CHST7: variants seen among roughly 807,000 people sequenced by gnomAD.
The protein encoded by CHST7 is carbohydrate sulfotransferase 7.
Under a neutral mutation model 9.0 loss-of-function variants are expected in CHST7, and 5 were observed. The observed-to-expected ratio is 0.56, with a 90% CI of 0.29 to 1.17. The LOEUF is 1.17. Ranked by LOEUF, CHST7 falls within the 50% of genes most tolerant of loss-of-function variation. The pLI, the probability that CHST7 is intolerant of heterozygous loss-of-function variation, is 0.08. For synonymous variants in CHST7, 244 were observed against 237.1 expected (o/e 1.03, Z -0.27); for missense variants, 377 against 485.1 (o/e 0.78, Z 2.09).
intron 1 of CHST7, among the ~76,000 whole-genome samples, chrX:46,585,815 G>A (rs892111809): frequency 7.2e-5 from 8 of 111,715 alleles, no homozygotes; most frequent in Admixed American, 3.8e-4. Flanking sequence ...ACGCGATATC[G>A]GCTCAATGCA....
intron 1 of CHST7, among the ~76,000 whole-genome samples, chrX:46,594,428 A>C (rs1330715890): frequency 2.7e-5 from 3 of 110,070 alleles, no homozygotes; most frequent in African/African-American, 9.9e-5. Flanking sequence ...TTGGAAGACC[A>C]AGGAATGAGA....
chrX:46,595,199 C>G (rs775180001), intron 1 of CHST7, among the ~76,000 whole-genome samples: 3 of 112,622 alleles, frequency 2.7e-5, no homozygotes, highest in Non-Finnish European at 5.6e-5. Context: ...CACTTAAAAT[C>G]TGTTTCAGAT....
chrX:46,585,856 G>A (rs1264855219), intron 1 of CHST7, among the ~76,000 whole-genome samples: 2 of 110,943 alleles, frequency 1.8e-5, no homozygotes, highest in Non-Finnish European at 1.9e-5. Flanking sequence ...AGCGATTCTC[G>A]TGCTTCGGCC....
chrX:46,590,168 A>G (rs1204691763), intron 1 of CHST7, among the ~76,000 whole-genome samples: 1 of 112,374 alleles, frequency 8.9e-6, no homozygotes, highest in Non-Finnish European at 1.9e-5. Flanking sequence ...TGACAAAACC[A>G]TCCTGAGTTA....
Position 46,574,024 on chromosome X carries a change from A to G in CHST7, c.93A>G (p.Val31=). Residue 31 remains valine (V), a synonymous_variant, in exon 1 of 2, where the codon GTA becomes GTG. Transcript: ENST00000276055. ...YTLVLLLVPS[V]LDGGRDGDKG... ...TGGTGCTGTTGCTCGTCCCCTCCGT[A>G]TTGGACGGCGGCCGCGACGGGGACA... The G allele has an allele frequency of 8.6e-7, 1 of 1,160,047 alleles. No individual in the cohort carries two copies. Among genetic ancestry groups the G allele is most frequent in the Non-Finnish European group, 1.1e-6 (1 of 875,141 alleles).
At position 46,575,160 on chromosome X, in the gene CHST7, G is replaced by C. The variant is rs1942491994; in HGVS notation, c.1229G>C (p.Arg410Pro). The C allele has an allele frequency of 9.1e-7, 1 of 1,096,207 alleles. No homozygotes were observed. Among genetic ancestry groups the C allele is most frequent in the African/African-American group, 1.9e-5 (1 of 51,694 alleles). 90.3% of individuals were successfully genotyped at this position (1,096,207 alleles called of 1,213,427 possible). The change falls in exon 1 of 2, where the codon CGC (arginine) becomes CCC (proline). Residue 410 changes from arginine to proline, a missense_variant. Arg to Pro is a moderately radical substitution (Grantham distance 103). Transcript: ENST00000276055. Reference sequence around the variant, plus strand: ...GATGCCTTCGCGCTCAACATGACTCGCGGCGCGGCCTACGGCGCCGACCGG... The same window carrying C: ...GATGCCTTCGCGCTCAACATGACTCCCGGCGCGGCCTACGGCGCCGACCGG... ...ALDAFALNMT[R>P]GAAYGADRPF...
chrX:46,584,057 A>C (rs768281157), intron 1 of CHST7, among the ~76,000 whole-genome samples: 1 of 111,664 alleles, frequency 9.0e-6, no homozygotes, highest in East Asian at 2.8e-4. Context: ...TTAAATTCGG[A>C]GATTAAGAGG....
chrX:46,582,427 A>G (rs1942529679), intron 1 of CHST7, among the ~76,000 whole-genome samples: 1 of 111,796 alleles, frequency 8.9e-6, no homozygotes, highest in Non-Finnish European at 1.9e-5. Flanking sequence ...CATAGATTTG[A>G]TTTCATTTTT....
intron 1 of CHST7, among the ~76,000 whole-genome samples, chrX:46,594,150 G>A (rs903863682): frequency 1.8e-4 from 20 of 112,017 alleles, no homozygotes; most frequent in Non-Finnish European, 3.8e-4. Context: ...AAGTTCTGTT[G>A]GCAAAAATTA....
chrX:46,584,551 A>AAAAAT (rs1481191913), intron 1 of CHST7, among the ~76,000 whole-genome samples: 1 of 108,939 alleles, frequency 9.2e-6, no homozygotes, highest in African/African-American at 3.3e-5. Context: ...AAAAAAAAAA[A>AAAAAT]AAAGGTGCCC....
intron 1 of CHST7, among the ~76,000 whole-genome samples, chrX:46,584,721 G>T (rs768106493): frequency 2.1e-4 from 23 of 110,752 alleles, no homozygotes; most frequent in African/African-American, 6.9e-4. Context: ...CTAACTGAAG[G>T]GCTGAAGTGT....
chrX:46,596,446 TG>T (rs1215453876), intron 1 of CHST7, among the ~76,000 whole-genome samples: 2 of 109,765 alleles, frequency 1.8e-5, no homozygotes, highest in South Asian at 8.0e-4. Context: ...GGTCTGGGGG[TG>T]GGGGGTAATG....
Position 46,573,965 on chromosome X carries a change from T to C in CHST7, c.34T>C (p.Cys12Arg). Residue 12 changes from cysteine (C) to arginine (R), a missense_variant, in exon 1 of 2, where the codon TGC (cysteine) becomes CGC (arginine). By Grantham distance (180) the Cys-to-Arg change is radical. This residue lies in a region of CHST7 where 239 missense variants were observed against 325.7 expected (regional missense o/e 0.73). Transcript: ENST00000276055. ...KGRRRRRREYCKFALLLVLYT... is the reference protein window; with the variant it reads ...KGRRRRRREYRKFALLLVLYT... ...CCGGCGGCGGCGACGCCGAGAGTAC[T>C]GCAAGTTCGCGCTGCTGTTGGTGCT... 1.7e-6 allele frequency: 2 copies of C among 1,155,049 alleles called. No homozygotes were observed. Among genetic ancestry groups the C allele is most frequent in the Non-Finnish European group, 1.1e-6 (1 of 872,774 alleles).
intron 1 of CHST7, among the ~76,000 whole-genome samples, chrX:46,593,879 T>C (rs1942582559): frequency 8.9e-6 from 1 of 112,200 alleles, no homozygotes; most frequent in African/African-American, 3.2e-5. Flanking sequence ...CAATGAAATG[T>C]AGAAAACTAA....
chrX:46,587,192 T>G (rs1942553751), intron 1 of CHST7, among the ~76,000 whole-genome samples: 1 of 110,957 alleles, frequency 9.0e-6, no homozygotes, highest in Non-Finnish European at 1.9e-5. Flanking sequence ...CCCATTTAAT[T>G]TTTGTACTGG....
chrX:46,574,595 G>A lies in CHST7; in HGVS notation c.664G>A (p.Asp222Asn). 1 of 1,203,864 alleles carries A rather than the reference G, an allele frequency of 8.3e-7. No individual in the cohort carries two copies. Among genetic ancestry groups the A allele is most frequent in the Non-Finnish European group, 1.1e-6 (1 of 891,426 alleles). The change falls in exon 1 of 2, where the codon GAC (aspartate) becomes AAC (asparagine). Residue 222 changes from aspartate to asparagine, a missense_variant. By Grantham distance (23) the Asp-to-Asn change is conservative. Around this residue, in one of 3 missense-constraint regions of CHST7, gnomAD observed 239 missense variants for 325.7 expected, o/e 0.73. Coordinates refer to ENST00000276055, the MANE Select transcript of CHST7 (RefSeq NM_019886.4). The part of the protein sequence containing the change: ...RARAEVGLVE[D>N]TACERSCPPV... ...CCGGGCCGAGGTGGGCCTCGTCGAG[G>A]ACACCGCCTGCGAGCGCAGCTGCCC...
chrX:46,574,618 C>T lies in CHST7; in HGVS notation c.687C>T (p.Cys229=). Residue 229 remains cysteine (C), a synonymous_variant, in exon 1 of 2, where the codon TGC becomes TGT. Transcript: ENST00000276055. ...AGGACACCGCCTGCGAGCGCAGCTG[C>T]CCACCCGTGGCGATACGCGCCCTGG... ...LVEDTACERS[C]PPVAIRALEA... is the part of the protein sequence containing the mutation. 1 of 1,206,126 alleles carries T rather than the reference C, an allele frequency of 8.3e-7. No individual in the cohort carries two copies. The highest frequency in any genetic ancestry group is 1.1e-6 in the Non-Finnish European group (1 of 892,797).
Position 46,574,242 on chromosome X carries a change from T to A in CHST7, c.311T>A (p.Ile104Asn), listed in dbSNP as rs1291049334. 8.3e-7 allele frequency: 1 copy of A among 1,211,246 alleles called. No individual in the cohort carries two copies. The highest frequency in any genetic ancestry group is 1.1e-6 in the Non-Finnish European group (1 of 895,094). Reference protein sequence around the residue: ...GEAVSREKQHIYVHATWRTGS... With the variant: ...GEAVSREKQHNYVHATWRTGS... Reference sequence around the variant, plus strand: ...GCAGTGTCTCGCGAGAAGCAGCACATCTACGTGCATGCCACCTGGCGCACC... The same window carrying A: ...GCAGTGTCTCGCGAGAAGCAGCACAACTACGTGCATGCCACCTGGCGCACC... The change falls in exon 1 of 2, where the codon ATC becomes AAC. Residue 104 changes from isoleucine (I) to asparagine (N), a missense_variant. Transcript: ENST00000276055.
intron 1 of CHST7, among the ~76,000 whole-genome samples, chrX:46,583,755 C>T (rs949628562): frequency 8.9e-6 from 1 of 112,063 alleles, no homozygotes; most frequent in Admixed American, 9.4e-5. Flanking sequence ...TCTCTCCTGG[C>T]TATTTTGAAA....
Sources: allele counts gnomAD v4.1 joint callset (sites outside exome capture counted in the v4.1 genomes callset), GRCh38; gene constraint gnomAD v4.1.1; regional missense constraint gnomAD v4.1.1; transcripts MANE v1.5; gene names NCBI Gene and HGNC (gene_info 2026-07-23, HGNC 2026-07-21).